The following MALRD1 variants were observed in gnomAD, a reference collection of about 807,000 sequenced individuals.
MALRD1 encodes the protein MAM and LDL receptor class A domain containing 1, also known as MAM and LDL-receptor class A domain-containing protein 1.
MALRD1 carries 247 observed loss-of-function variants against 242.1 expected under a neutral mutation model. The observed-to-expected ratio is 1.02, with a 90% CI of 0.92 to 1.13. The LOEUF (loss-of-function observed/expected upper bound fraction) is 1.13. Among genes scored for constraint, MALRD1 ranks in the 50% most tolerant of loss-of-function variants. The pLI is 0.00. For missense variants in MALRD1, 2,989 were observed against 2,533.1 expected, an observed-to-expected ratio of 1.18 and a Z score of -3.86; for synonymous variants, 995 against 866.6, an observed-to-expected ratio of 1.15 and a Z score of -2.60.
chr10:19,153,631 G>C (rs1834021289), intron 11 of MALRD1, among the ~76,000 whole-genome samples: 2 of 151,708 alleles, frequency 1.3e-5, no homozygotes, highest in Non-Finnish European at 2.9e-5. Flanking sequence ...CCAGGCAGCA[G>C]TGAGCCATAA....
At chr10:19,164,581 A>G (rs968065187) in intron 12 of MALRD1, among the ~76,000 whole-genome samples, 3 of 152,190 alleles carry the variant, frequency 2.0e-5, no homozygotes, top group African/African-American at 4.8e-5. Context: ...AGGCAAAAAC[A>G]TTTGACTGCA....
chr10:19,346,347 C>T (rs1273525273), intron 24 of MALRD1, among the ~76,000 whole-genome samples: 1 of 152,088 alleles, frequency 6.6e-6, no homozygotes, highest in Non-Finnish European at 1.5e-5. Flanking sequence ...TTGGCTTGTG[C>T]ATTGGAGAGC....
chr10:19,524,149 C>A (rs187872733), intron 31 of MALRD1, among the ~76,000 whole-genome samples: 8 of 152,060 alleles, frequency 5.3e-5, no homozygotes, highest in African/African-American at 1.9e-4. Flanking sequence ...CTTTTTCTCT[C>A]GCTGGCCATA....
chr10:19,387,473 C>G, intron 26 of MALRD1, 55 bp from the exon 27 acceptor site: 2 of 1,507,574 alleles, frequency 1.3e-6, no homozygotes, highest in Non-Finnish European at 1.8e-6. Context: ...TTTTTGACCT[C>G]ACTGAATGTG....
intron 32 of MALRD1, among the ~76,000 whole-genome samples, chr10:19,559,026 C>T (rs3973664): frequency 0.081 from 12,315 of 151,582 alleles, 1,433 homozygotes; most frequent in African/African-American, 0.26. Flanking sequence ...CTACTAAAAA[C>T]GCAAAAATTA....
At chr10:19,681,114 T>A (rs1288618397) in intron 36 of MALRD1, among the ~76,000 whole-genome samples, 2 of 152,202 alleles carry the variant, frequency 1.3e-5, no homozygotes, top group Non-Finnish European at 2.9e-5. Context: ...AATCTGATTA[T>A]GTGTCTTGGG....
chr10:19,359,026 C>A (rs1026729680), intron 26 of MALRD1, among the ~76,000 whole-genome samples: 1 of 152,060 alleles, frequency 6.6e-6, no homozygotes, highest in Non-Finnish European at 1.5e-5. Context: ...CAATAAAGAT[C>A]CAGAGATAGA....
chr10:19,111,041 T>A (rs1325611122), intron 5 of MALRD1, among the ~76,000 whole-genome samples: 1 of 152,184 alleles, frequency 6.6e-6, no homozygotes, highest in Non-Finnish European at 1.5e-5. Context: ...GATTTTGCTA[T>A]CATTTTAGAT....
intron 33 of MALRD1, among the ~76,000 whole-genome samples, chr10:19,575,851 CT>C (rs1364647203): frequency 2.6e-5 from 4 of 152,170 alleles, no homozygotes; most frequent in Admixed American, 6.5e-5. Flanking sequence ...ATCAGAATCT[CT>C]GTAACGGCCA....
At chr10:19,237,926 ATG>A (rs1478524125) in intron 18 of MALRD1, among the ~76,000 whole-genome samples, 1 of 22,368 alleles carries the variant, frequency 4.5e-5, no homozygotes, top group Non-Finnish European at 6.6e-5. Flanking sequence ...ATATAATTAT[ATG>A]TAATTTTATA....
chr10:19,236,477 G>A (rs778040559), intron 18 of MALRD1, among the ~76,000 whole-genome samples: 24 of 152,174 alleles, frequency 1.6e-4, no homozygotes, highest in South Asian at 8.3e-4. Flanking sequence ...CTCCTTAGAA[G>A]GCCTATTAGG....
At position 19,371,322 on chromosome 10, in the gene MALRD1, A is replaced by C. The variant is rs556606749; in HGVS notation, c.4442-16206A>C. Among the ~76,000 whole-genome samples, 6 of 152,278 alleles carry C rather than the reference A, an allele frequency of 3.9e-5. No individual in the cohort carries two copies. The East Asian group carries it at 1.2e-3, about 29-fold the overall frequency. On this transcript the variant is annotated intron_variant, in intron 26 of 39. Coordinates refer to ENST00000454679, the MANE Select transcript of MALRD1 (RefSeq NM_001142308.3). ...TTTTAGAGGAAAGCCACCTTTCTCC[A>C]TGGAGCATATTAGCTGTACATTTTT...
chr10:19,524,466 GA>G (rs374439190), intron 31 of MALRD1, among the ~76,000 whole-genome samples: 14,835 of 144,468 alleles, frequency 0.1, 775 homozygotes, highest in East Asian at 0.17. Context: ...GACAGAGTAA[GA>G]AAAAAAAAAA....
At chr10:19,158,081 A>G (rs916207994) in intron 12 of MALRD1, among the ~76,000 whole-genome samples, 2 of 152,206 alleles carry the variant, frequency 1.3e-5, no homozygotes, top group African/African-American at 4.8e-5. Context: ...AACACGAGGG[A>G]GCCCAAAGCT....
intron 26 of MALRD1, among the ~76,000 whole-genome samples, chr10:19,386,065 C>T (rs1270196503): frequency 1.3e-5 from 2 of 152,128 alleles, no homozygotes; most frequent in African/African-American, 2.4e-5. Context: ...GCATAACACT[C>T]AAAATTGCCA....
At position 19,323,992 on chromosome 10, in the gene MALRD1, G is replaced by A. The variant is rs1285589913; in HGVS notation, c.3463G>A (p.Gly1155Arg). Reference protein sequence around the residue: ...GWYLYADSSNGKFGDTADILT... With the variant: ...GWYLYADSSNRKFGDTADILT... ...GTACCTGTATGCTGACAGTTCTAAT[G>A]GGAAATTTGGTGACACGGCTGACAT... is the stretch of plus-strand genomic sequence containing the variant. The change falls in exon 22 of 40, where the codon GGG (glycine) becomes AGG (arginine). Residue 1155 changes from glycine (G) to arginine (R), a missense_variant. Gly to Arg is a moderately radical substitution (Grantham distance 125). Coordinates refer to ENST00000454679, the MANE Select transcript of MALRD1 (RefSeq NM_001142308.3). 6.4e-7 allele frequency: 1 copy of A among 1,550,794 alleles called. No individual in the cohort carries two copies. Among genetic ancestry groups the A allele is most frequent in the Admixed American group, 2.0e-5 (1 of 50,986 alleles).
Position 19,221,001 on chromosome 10 carries a change from G to T in MALRD1, c.2991+11321G>T, listed in dbSNP as rs138324731. On this transcript the variant is annotated intron_variant, in intron 18 of 39. Transcript: ENST00000454679. ...CTCCAGTAGATCTCTCAACTCCAGA[G>T]AACCTTCTGACTAAATCTGAAAGAA... Among the ~76,000 whole-genome samples the T allele has an allele frequency of 3.3e-4, 50 of 152,226 alleles. 1 individual carries two copies. The East Asian group carries it at 8.1e-3, about 25-fold the overall frequency.
chr10:19,681,382 C>T (rs542095591), intron 36 of MALRD1, among the ~76,000 whole-genome samples: 1 of 152,118 alleles, frequency 6.6e-6, no homozygotes, highest in East Asian at 1.9e-4. Flanking sequence ...CTCATCATGT[C>T]TGCCTGTCTT....
intron 29 of MALRD1, chr10:19,491,244 A>G (rs1332664478): frequency 1.5e-6 from 1 of 669,232 alleles, no homozygotes; most frequent in South Asian, 1.5e-5. Context: ...GTGGGCCACA[A>G]ATTTGAGTGT....
Sources: allele counts gnomAD v4.1 joint callset (sites outside exome capture counted in the v4.1 genomes callset), GRCh38; gene constraint gnomAD v4.1.1; transcripts MANE v1.5; gene names NCBI Gene and HGNC (gene_info 2026-07-23, HGNC 2026-07-21).